TSHZ2: variants seen among roughly 807,000 people sequenced by gnomAD.
TSHZ2 encodes teashirt zinc finger homeobox 2, also known as teashirt homolog 2.
TSHZ2 carries 21 observed loss-of-function variants against 74.4 expected under a neutral mutation model. The ratio of observed to expected loss-of-function variants is 0.28; its 90% CI spans 0.20 to 0.41. The LOEUF is 0.41. Among genes scored for constraint, TSHZ2 ranks in the 10% least tolerant of loss-of-function variants. TSHZ2 has a pLI of 1.00. For missense variants in TSHZ2, 1,244 were observed against 1,293.5 expected (o/e 0.96, Z 0.59); for synonymous variants, 540 against 515.3 (o/e 1.05, Z -0.65).
At chr20:53,004,484 C>A (rs11698666) in intron 1 of TSHZ2, among the ~76,000 whole-genome samples, 43 of 152,110 alleles carry the variant, frequency 2.8e-4, no homozygotes, top group African/African-American at 1.0e-3. Flanking sequence ...GGCGTTGCCC[C>A]GCCACCTCTT....
chr20:53,150,754 GAGA>G (rs898195344), intron 1 of TSHZ2, among the ~76,000 whole-genome samples: 2 of 151,714 alleles, frequency 1.3e-5, no homozygotes, highest in African/African-American at 4.8e-5. Flanking sequence ...AGGAAGGAAG[GAGA>G]AGATCTTAAA....
At chr20:53,458,052 A>T (rs1421093182) in intron 2 of TSHZ2, among the ~76,000 whole-genome samples, 1 of 152,104 alleles carries the variant, frequency 6.6e-6, no homozygotes, top group African/African-American at 2.4e-5. Context: ...CGGCTTTGGT[A>T]TCAGAATGAT....
intron 1 of TSHZ2, among the ~76,000 whole-genome samples, chr20:53,237,541 A>T (rs937391947): frequency 8.6e-5 from 13 of 151,460 alleles, no homozygotes; most frequent in African/African-American, 3.2e-4. Flanking sequence ...GTGCATCTGA[A>T]TTTCTTTCTT....
intron 1 of TSHZ2, among the ~76,000 whole-genome samples, chr20:53,111,811 C>T (rs1986541278): frequency 6.6e-6 from 1 of 152,184 alleles, no homozygotes; most frequent in Admixed American, 6.5e-5. Flanking sequence ...CCTCAGGCCC[C>T]CACCTTAACT....
At chr20:53,346,369 A>T (rs1488437021) in intron 2 of TSHZ2, among the ~76,000 whole-genome samples, 1 of 152,172 alleles carries the variant, frequency 6.6e-6, no homozygotes, top group Admixed American at 6.5e-5. Flanking sequence ...CACGACAGAA[A>T]ATAGGAAGGG....
intron 1 of TSHZ2, among the ~76,000 whole-genome samples, chr20:53,047,407 C>T (rs1416878135): frequency 3.9e-5 from 6 of 152,074 alleles, no homozygotes; most frequent in Non-Finnish European, 8.8e-5. Flanking sequence ...AAGATGGCTG[C>T]CCTGGATTCT....
intron 1 of TSHZ2, among the ~76,000 whole-genome samples, chr20:53,245,732 G>C (rs1568831851): frequency 6.6e-6 from 1 of 152,190 alleles, no homozygotes; most frequent in South Asian, 2.1e-4. Context: ...TACTTGAATA[G>C]TATGGGTTTA....
At chr20:53,251,079 C>T (rs76201750) in intron 1 of TSHZ2, among the ~76,000 whole-genome samples, 1 of 152,292 alleles carries the variant, frequency 6.6e-6, no homozygotes, top group Non-Finnish European at 1.5e-5. Flanking sequence ...CAGAAATGCC[C>T]TTAGCCAATT....
At chr20:53,344,406 C>T (rs546196583) in intron 2 of TSHZ2, among the ~76,000 whole-genome samples, 4 of 152,206 alleles carry the variant, frequency 2.6e-5, no homozygotes, top group South Asian at 2.1e-4. Context: ...GCCACCCTAC[C>T]GCTGAATTGA....
At chr20:53,455,712 C>T (rs1005971041) in intron 2 of TSHZ2, among the ~76,000 whole-genome samples, 5 of 151,830 alleles carry the variant, frequency 3.3e-5, no homozygotes, top group Middle Eastern at 3.4e-3. Flanking sequence ...ATCCCTCCCC[C>T]GCCCCACCCC....
At chr20:52,990,436 A>G (rs2122914825) in intron 1 of TSHZ2, among the ~76,000 whole-genome samples, 1 of 137,492 alleles carries the variant, frequency 7.3e-6, no homozygotes, top group South Asian at 2.7e-4. Flanking sequence ...TGTTAAGAAA[A>G]CTGAGTAGCT....
chr20:53,481,537 G>C (rs6097444), intron 2 of TSHZ2, among the ~76,000 whole-genome samples: 30,239 of 151,112 alleles, frequency 0.2, 3,148 homozygotes, highest in East Asian at 0.3. Context: ...TCATGCCACT[G>C]TACTCAAGCC....
intron 1 of TSHZ2, among the ~76,000 whole-genome samples, chr20:53,176,086 T>C (rs1600725099): frequency 6.6e-6 from 1 of 152,244 alleles, no homozygotes; most frequent in Non-Finnish European, 1.5e-5. Context: ...CTCCTTGCTC[T>C]TTCATTCACA....
intron 2 of TSHZ2, among the ~76,000 whole-genome samples, chr20:53,338,357 C>G (rs560934023): frequency 1.3e-4 from 20 of 152,328 alleles, no homozygotes; most frequent in African/African-American, 4.8e-4. Context: ...GCCCATTCGC[C>G]TCTCCAAGGA....
intron 2 of TSHZ2, among the ~76,000 whole-genome samples, chr20:53,291,506 TTG>T (rs1268419820): frequency 1.3e-5 from 2 of 148,380 alleles, no homozygotes; most frequent in African/African-American, 5.0e-5. Flanking sequence ...AAGAGCAAAA[TTG>T]TGGGTTCAGT....
chr20:53,195,906 A>G (rs755293330), intron 1 of TSHZ2, among the ~76,000 whole-genome samples: 1 of 152,142 alleles, frequency 6.6e-6, no homozygotes, highest in Admixed American at 6.5e-5. Context: ...ACTGCAGGTG[A>G]CTTAGAAACG....
chr20:53,423,915 G>A (rs1237351485), intron 2 of TSHZ2, among the ~76,000 whole-genome samples: 1 of 152,180 alleles, frequency 6.6e-6, no homozygotes, highest in Non-Finnish European at 1.5e-5. Context: ...GGGTGGTGCT[G>A]TTAGCGCCTA....
At chr20:53,031,652 TGTAGTGGGAGG>T (rs1379967254) in intron 1 of TSHZ2, among the ~76,000 whole-genome samples, 1 of 152,196 alleles carries the variant, frequency 6.6e-6, no homozygotes, top group Non-Finnish European at 1.5e-5. Context: ...AGCTTCACTC[TGTAGTGGGAGG>T]GTATGATCCT....
At chr20:53,269,321 G>C (rs1317546482) in intron 2 of TSHZ2, among the ~76,000 whole-genome samples, 2 of 144,266 alleles carry the variant, frequency 1.4e-5, no homozygotes, top group African/African-American at 5.0e-5. Flanking sequence ...AAGAGAGATT[G>C]TAAGTATAGA....
Sources: gnomAD v4.1 joint callset for allele counts (sites outside exome capture counted in the v4.1 genomes callset) on GRCh38, gnomAD v4.1.1 for gene constraint, MANE v1.5 for transcripts, NCBI Gene and HGNC (gene_info 2026-07-23, HGNC 2026-07-21) for gene names.